The following GOT1 variants were observed in gnomAD, a reference collection of about 807,000 sequenced individuals.
GOT1 encodes aspartate aminotransferase, cytoplasmic.
Under a neutral mutation model 48.2 loss-of-function variants are expected in GOT1, and 25 were observed. The ratio of observed to expected loss-of-function variants is 0.52; its 90% CI spans 0.38 to 0.72. GOT1 has a LOEUF of 0.72. Among genes scored for constraint, GOT1 ranks in the 30% least tolerant of loss-of-function variants. The pLI is 0.00. For missense variants in GOT1, 380 were observed against 520.1 expected (o/e 0.73, Z 2.62); for synonymous variants, 188 against 193.8 (o/e 0.97, Z 0.25).
At chr10:99,429,471 A>G (rs189818352) in intron 1 of GOT1, among the ~76,000 whole-genome samples, 1 of 151,796 alleles carries the variant, frequency 6.6e-6, no homozygotes, top group East Asian at 1.9e-4. Context: ...CTCTTTCCAC[A>G]ATTTCTAGTC....
At chr10:99,427,947 A>G (rs2033062145) in intron 1 of GOT1, among the ~76,000 whole-genome samples, 1 of 152,178 alleles carries the variant, frequency 6.6e-6, no homozygotes, top group Admixed American at 6.5e-5. Flanking sequence ...ACATGCATAA[A>G]TAATTTGCTC....
intron 7 of GOT1, 92 bp downstream of exon 7, chr10:99,403,377 A>G: frequency 9.3e-7 from 1 of 1,072,448 alleles, no homozygotes. Flanking sequence ...TGCTTCTGCC[A>G]AAATGAAAGG....
chr10:99,412,460 G>C (rs1336714126), intron 2 of GOT1, among the ~76,000 whole-genome samples: 1 of 151,686 alleles, frequency 6.6e-6, no homozygotes, highest in Non-Finnish European at 1.5e-5. Flanking sequence ...GGTAAATTAA[G>C]AGGCTATTAG....
intron 2 of GOT1, among the ~76,000 whole-genome samples, chr10:99,409,914 T>C (rs2032809457): frequency 6.6e-6 from 1 of 152,260 alleles, no homozygotes. Flanking sequence ...ACCAATGTTC[T>C]GTTTGTATTT....
chr10:99,404,678 C>T (rs571125903), intron 5 of GOT1, among the ~76,000 whole-genome samples: 1 of 152,264 alleles, frequency 6.6e-6, no homozygotes, highest in Admixed American at 6.5e-5. Context: ...GCTATGACAT[C>T]AGGGTGGCCT....
At chr10:99,425,285 G>A (rs2033024465) in intron 1 of GOT1, among the ~76,000 whole-genome samples, 1 of 152,234 alleles carries the variant, frequency 6.6e-6, no homozygotes, top group Non-Finnish European at 1.5e-5. Flanking sequence ...CTCTGATGTG[G>A]AATCCACTAA....
rs748962130 is a variant in GOT1, at chr10:99,405,809, T to C, written c.589A>G (p.Thr197Ala). 3.1e-6 allele frequency: 5 copies of C among 1,612,460 alleles called. No homozygotes were observed. Among genetic ancestry groups the C allele is most frequent in the Non-Finnish European group, 4.2e-6 (5 of 1,178,516 alleles). ...VVLHACAHNP[T>A]GIDPTPEQWK... ...TGCTCCGGAGTTGGGTCAATCCCAG[T>C]TGGGTTGTGTGCACAGGCGTGGAGG... The change falls in exon 5 of 9, where the codon ACT becomes GCT. Residue 197 changes from threonine to alanine, a missense_variant. Coordinates refer to ENST00000370508, the MANE Select transcript of GOT1 (RefSeq NM_002079.3).
At position 99,406,085 on chromosome 10, in the gene GOT1, C is replaced by G; in HGVS notation, c.537+52G>C. 17 of 1,246,872 alleles carry G rather than the reference C, an allele frequency of 1.4e-5. No individual in the cohort carries two copies. The South Asian group carries it at 2.0e-4, about 15-fold the overall frequency. 77.2% of individuals were successfully genotyped at this position (1,246,872 alleles called of 1,614,324 possible). A position where few individuals can be genotyped will look rare whatever the true frequency, so the allele number is the denominator to read the frequency against. ...TTAGCAACTGGTCCAAAGACTTTGC[C>G]TGAGATTCCTGACACCATGCAATTC... On this transcript the variant is annotated intron_variant, in intron 4 of 8. Transcript: ENST00000370508.
chr10:99,397,581 G>A lies in GOT1; in HGVS notation c.1208C>T (p.Thr403Ile). The A allele has an allele frequency of 2.5e-6, 4 of 1,614,100 alleles. No homozygotes were observed. Among genetic ancestry groups the A allele is most frequent in the Non-Finnish European group, 3.4e-6 (4 of 1,180,010 alleles). The change falls in exon 9 of 9, where the codon ACC becomes ATC. Residue 403 changes from threonine (T) to isoleucine (I), a missense_variant. Coordinates refer to ENST00000370508, the MANE Select transcript of GOT1 (RefSeq NM_002079.3). The surrounding 1 kb of genome is among the most constrained non-coding windows in gnomAD (Gnocchi z 5.4). ...TTTGGTGACTGCTTCATGGATGGAG[G>A]TGGCCACGTAATCTAGATTTTTGGT... is the stretch of plus-strand genomic sequence containing the variant. ...LTTKNLDYVA[T>I]SIHEAVTKIQ is the part of the protein sequence containing the mutation.
intron 2 of GOT1, among the ~76,000 whole-genome samples, chr10:99,416,995 A>G (rs1299173403): frequency 6.6e-6 from 1 of 152,044 alleles, no homozygotes; most frequent in African/African-American, 2.4e-5. Flanking sequence ...AACCTAGGCA[A>G]TACTATTCAG....
chr10:99,414,062 A>G (rs1409735296), intron 2 of GOT1, among the ~76,000 whole-genome samples: 1 of 152,242 alleles, frequency 6.6e-6, no homozygotes, highest in East Asian at 1.9e-4. Flanking sequence ...CTAACATCAT[A>G]ATAACAGGAT....
chr10:99,403,930 C>A, intron 5 of GOT1, 56 bp from the exon 6 acceptor site: 2 of 1,568,760 alleles, frequency 1.3e-6, no homozygotes, highest in Non-Finnish European at 8.8e-7. Context: ...CAACCTCAGA[C>A]ACCGGCCTTC....
intron 2 of GOT1, among the ~76,000 whole-genome samples, chr10:99,411,460 T>C (rs2032827281): frequency 6.6e-6 from 1 of 152,230 alleles, no homozygotes; most frequent in Admixed American, 6.5e-5. Context: ...ACTGTTGGTT[T>C]ACTTGTTCAC....
At chr10:99,407,987 G>T (rs1041988978) in intron 2 of GOT1, among the ~76,000 whole-genome samples, 1 of 150,570 alleles carries the variant, frequency 6.6e-6, no homozygotes, top group Non-Finnish European at 1.5e-5. Context: ...ATAGGCCCCC[G>T]TGTGTGATGT....
At chr10:99,429,180 C>T (rs746877032) in intron 1 of GOT1, among the ~76,000 whole-genome samples, 1 of 151,710 alleles carries the variant, frequency 6.6e-6, no homozygotes, top group Non-Finnish European at 1.5e-5. Flanking sequence ...CTCCCGAGTA[C>T]CTGGGACTAT....
At chr10:99,407,432 A>ATTTTTTTTT (rs397943359) in intron 2 of GOT1, among the ~76,000 whole-genome samples, 1 of 140,390 alleles carries the variant, frequency 7.1e-6, no homozygotes, top group Non-Finnish European at 1.6e-5. Flanking sequence ...GCTTCCTCTC[A>ATTTTTTTTT]TTTTTTTTTT....
Position 99,414,796 on chromosome 10 carries a change from A to T in GOT1, c.300+5828T>A, listed in dbSNP as rs191530706. On this transcript the variant is annotated intron_variant, in intron 2 of 8. Coordinates refer to ENST00000370508, the MANE Select transcript of GOT1 (RefSeq NM_002079.3). The stretch of plus-strand genomic sequence containing the variant: ...CTCAGGATTAAGAAACTCACTCAAA[A>T]CCGCTCAACTACATGAAAACTGAAC... 5.2e-3 allele frequency among the ~76,000 whole-genome samples: 789 copies of T among 152,240 alleles called. 7 individuals are homozygous for T. The highest frequency in any genetic ancestry group is 8.5e-3 in the Non-Finnish European group (577 of 68,016).
chr10:99,413,495 A>T (rs2032853895), intron 2 of GOT1, among the ~76,000 whole-genome samples: 1 of 152,204 alleles, frequency 6.6e-6, no homozygotes, highest in Non-Finnish European at 1.5e-5. Context: ...GGGAGAATGG[A>T]ACCAAGTTGG....
chr10:99,411,196 C>T (rs1008292925), intron 2 of GOT1, among the ~76,000 whole-genome samples: 8 of 152,216 alleles, frequency 5.3e-5, no homozygotes, highest in Admixed American at 6.5e-5. Context: ...GCAATCAAAG[C>T]GAGAGTGGGA....
Sources: allele counts gnomAD v4.1 joint callset (sites outside exome capture counted in the v4.1 genomes callset), GRCh38; gene constraint gnomAD v4.1.1; non-coding constraint Gnocchi (gnomAD v3.1); transcripts MANE v1.5; gene names NCBI Gene and HGNC (gene_info 2026-07-23, HGNC 2026-07-21).